The following OR6J1 variants were observed in gnomAD, a reference collection of about 807,000 sequenced individuals.
OR6J1 encodes olfactory receptor family 6 subfamily J member 1, also known as olfactory receptor 6J1.
For missense variants in OR6J1, 304 were observed against 166.8 expected (o/e 1.82, Z -4.53); for synonymous variants, 109 against 70.0 (o/e 1.56, Z -2.78).
intron 1 of OR6J1, among the ~76,000 whole-genome samples, chr14:22,637,847 C>G: frequency 3.3e-5 from 1 of 30,016 alleles, no homozygotes; most frequent in Non-Finnish European, 6.2e-5. Context: ...GCCGCCCCGT[C>G]CGGGAGGGAG....
At position 22,630,963 on chromosome 14, in the gene OR6J1, A is replaced by G. The variant is rs1194192355; in HGVS notation, c.*2805T>C. On this transcript the variant is annotated 3_prime_UTR_variant, in exon 2 of 2. Coordinates refer to ENST00000540461, the MANE Select transcript of OR6J1 (RefSeq NM_001348233.2). ...AAGCTGGGCAGCCGGGGGAGACATCACATGTCACTAGGTTCCATGATGCCC... is the reference window on the plus strand; with the variant it reads ...AAGCTGGGCAGCCGGGGGAGACATCGCATGTCACTAGGTTCCATGATGCCC... 1 of 152,140 alleles carries G rather than the reference A, an allele frequency of 6.6e-6. No individual in the cohort carries two copies. The highest frequency in any genetic ancestry group is 1.5e-5 in the Non-Finnish European group (1 of 68,028). The allele number at this position is 152,140 out of a possible 1,614,324, so 9.4% of individuals were successfully genotyped here. A position where few individuals can be genotyped will look rare whatever the true frequency, so the allele number is the denominator to read the frequency against.
Position 22,641,210 on chromosome 14 carries a change from TAAGAAAGAAAGAAAG to T in OR6J1, c.-28+2873_-28+2887del, listed in dbSNP as rs1160251620. Reference sequence around the variant, plus strand: ...AGAGAGACAGAGAGGGAGAGAAAGATAAGAAAGAAAGAAAGAAAGAAAGAAAGAAAGAAAGAAAGA... The same window carrying T: ...AGAGAGACAGAGAGGGAGAGAAAGATAAAGAAAGAAAGAAAGAAAGAAAGA... On this transcript the variant is annotated intron_variant, in intron 1 of 1. Transcript: ENST00000540461. 1.5e-3 allele frequency among the ~76,000 whole-genome samples: 187 copies of T among 122,586 alleles called. 16 individuals are homozygous for T. The highest frequency in any genetic ancestry group is 4.0e-3 in the Middle Eastern group (1 of 248). The allele number at this position is 122,586 out of a possible 152,430, so 80.4% of individuals were successfully genotyped here.
chr14:22,632,501 G>A lies in OR6J1; in HGVS notation c.*1267C>T, dbSNP rs955927310. On this transcript the variant is annotated 3_prime_UTR_variant, in exon 2 of 2. Coordinates refer to ENST00000540461, the MANE Select transcript of OR6J1 (RefSeq NM_001348233.2). The stretch of plus-strand genomic sequence containing the variant: ...GAATCACTTGAACCCAGGAGGCGGA[G>A]GTTGCAGTGAGCTGAGATTGCACCA... 6.6e-6 allele frequency: 1 copy of A among 152,232 alleles called. No individual in the cohort carries two copies. The highest frequency in any genetic ancestry group is 6.5e-5 in the Admixed American group (1 of 15,282). The allele number at this position is 152,232 out of a possible 1,614,324, so 9.4% of individuals were successfully genotyped here.
At chr14:22,642,644 A>T (rs1392113877) in intron 1 of OR6J1, among the ~76,000 whole-genome samples, 2 of 151,692 alleles carry the variant, frequency 1.3e-5, no homozygotes. Flanking sequence ...GGCAGATTTA[A>T]GGATATTTTA....
chr14:22,632,437 G>A lies in OR6J1; in HGVS notation c.*1331C>T, dbSNP rs111563779. The A allele has an allele frequency of 0.22, 32,858 of 149,354 alleles. 4,366 individuals are homozygous for A. Among genetic ancestry groups the A allele is most frequent in the African/African-American group, 0.31 (12,332 of 40,414 alleles). The allele number at this position is 149,354 out of a possible 1,614,324, so 9.3% of individuals were successfully genotyped here. On this transcript the variant is annotated 3_prime_UTR_variant, in exon 2 of 2. Transcript: ENST00000540461. ...AAAAATTAGCCAGGCATGGTGGCAC[G>A]CGCCTGTGGTCCCAGCTACTCAGGA...
intron 1 of OR6J1, among the ~76,000 whole-genome samples, chr14:22,639,441 G>A (rs1594903209): frequency 7.4e-6 from 1 of 134,264 alleles, no homozygotes; most frequent in East Asian, 2.1e-4. Flanking sequence ...CTACTGGGAA[G>A]TGAGGAGCCC....
In OR6J1 at chr14:22,633,117, TAG is replaced by T. The variant is rs1335317931; in HGVS notation, c.*649_*650del. On this transcript the variant is annotated 3_prime_UTR_variant, in exon 2 of 2. Coordinates refer to ENST00000540461, the MANE Select transcript of OR6J1 (RefSeq NM_001348233.2). ...GGTCATAGGTCACTGGCCAGTCTCT[TAG>T]GTGTGCAAGTGTCCCTGCAGGTGAT... 6.5e-6 allele frequency: 1 copy of T among 152,702 alleles called. No individual in the cohort carries two copies. The highest frequency in any genetic ancestry group is 2.4e-5 in the African/African-American group (1 of 41,456). 9.5% of individuals were successfully genotyped at this position (152,702 alleles called of 1,614,324 possible).
intron 1 of OR6J1, among the ~76,000 whole-genome samples, chr14:22,643,743 A>G (rs1273803046): frequency 2.0e-5 from 2 of 99,970 alleles, no homozygotes; most frequent in Non-Finnish European, 4.0e-5. Flanking sequence ...ACACACACAC[A>G]CACACACACA....
At chr14:22,640,373 G>A (rs948882931) in intron 1 of OR6J1, among the ~76,000 whole-genome samples, 3 of 150,112 alleles carry the variant, frequency 2.0e-5, no homozygotes, top group South Asian at 4.2e-4. Context: ...GGGGAAAAAA[G>A]AGAAGGAGGG....
intron 1 of OR6J1, among the ~76,000 whole-genome samples, chr14:22,643,764 C>CACACACAGAGAGAGAGAG (rs1466950724): frequency 2.6e-3 from 98 of 37,676 alleles, no homozygotes; most frequent in Non-Finnish European, 3.7e-3. Flanking sequence ...CACACACACA[C>CACACACAGAGAGAGAGAG]AGAGAGAGAG....
intron 1 of OR6J1, among the ~76,000 whole-genome samples, chr14:22,636,624 C>T (rs1158933024): frequency 1.3e-4 from 15 of 117,102 alleles, no homozygotes; most frequent in African/African-American, 6.5e-4. Context: ...CTGTGTTGGC[C>T]GGGCTGGTCT....
chr14:22,639,372 C>T (rs2037624590), intron 1 of OR6J1, among the ~76,000 whole-genome samples: 2 of 126,286 alleles, frequency 1.6e-5, no homozygotes, highest in African/African-American at 7.3e-5. Flanking sequence ...GGGGGGTCAG[C>T]CCCCCGCCCG....
At chr14:22,641,747 A>G (rs1237097541) in intron 1 of OR6J1, among the ~76,000 whole-genome samples, 1 of 152,188 alleles carries the variant, frequency 6.6e-6, no homozygotes, top group Non-Finnish European at 1.5e-5. Context: ...TCAGTCTAAA[A>G]GAGATGTGAA....
At chr14:22,638,774 C>T (rs1416998798) in intron 1 of OR6J1, among the ~76,000 whole-genome samples, 1 of 152,240 alleles carries the variant, frequency 6.6e-6, no homozygotes, top group Non-Finnish European at 1.5e-5. Context: ...GATGTGGAGA[C>T]TTAAAAAATT....
In OR6J1 at chr14:22,631,574, G is replaced by T. The variant is rs920417378; in HGVS notation, c.*2194C>A. The T allele has an allele frequency of 6.6e-6, 1 of 152,132 alleles. No homozygotes were observed. Among genetic ancestry groups the T allele is most frequent in the African/African-American group, 2.4e-5 (1 of 41,402 alleles). The allele number at this position is 152,132 out of a possible 1,614,324, so 9.4% of individuals were successfully genotyped here. A position where few individuals can be genotyped will look rare whatever the true frequency, so the allele number is the denominator to read the frequency against. ...TCTTTTTCCAAGGTGCCCAGATTTCGTATTTGTTCAAACACACATGCTCTA... is the reference window on the plus strand; with the variant it reads ...TCTTTTTCCAAGGTGCCCAGATTTCTTATTTGTTCAAACACACATGCTCTA... On this transcript the variant is annotated 3_prime_UTR_variant, in exon 2 of 2. Coordinates refer to ENST00000540461, the MANE Select transcript of OR6J1 (RefSeq NM_001348233.2).
At chr14:22,641,067 G>T (rs1432269537) in intron 1 of OR6J1, among the ~76,000 whole-genome samples, 1 of 150,838 alleles carries the variant, frequency 6.6e-6, no homozygotes, top group Admixed American at 6.7e-5. Context: ...TACTTGTGAA[G>T]CAAAGGTGGG....
intron 1 of OR6J1, among the ~76,000 whole-genome samples, chr14:22,640,909 G>A (rs1419086229): frequency 2.6e-5 from 4 of 151,116 alleles, no homozygotes; most frequent in African/African-American, 4.9e-5. Flanking sequence ...TGGCTAACGC[G>A]TGTAATCCCA....
At chr14:22,635,775 T>C (rs1270684190) in intron 1 of OR6J1, among the ~76,000 whole-genome samples, 1 of 152,174 alleles carries the variant, frequency 6.6e-6, no homozygotes, top group Admixed American at 6.5e-5. Context: ...CAATCTCATA[T>C]CAGACACTAA....
Position 22,634,369 on chromosome 14 carries a change from C to G in OR6J1, c.443G>C (p.Trp148Ser), listed in dbSNP as rs1027137853. The G allele has an allele frequency of 1.0e-5, 7 of 703,202 alleles. No homozygotes were observed. The African/African-American group carries it at 1.0e-4, about 11-fold the overall frequency. The allele number at this position is 703,202 out of a possible 1,614,324, so 43.6% of individuals were successfully genotyped here. The change falls in exon 2 of 2, where the codon TGG becomes TCG. Residue 148 changes from tryptophan to serine, a missense_variant. Physicochemically the swap from Trp to Ser is radical, Grantham distance 177. Coordinates refer to ENST00000540461, the MANE Select transcript of OR6J1 (RefSeq NM_001348233.2). ...SVCIGTVVFSWVGGFLSVLFP... is the reference protein window; with the variant it reads ...SVCIGTVVFSSVGGFLSVLFP... ...GAGCACAGACAGGAAGCCTCCCACC[C>G]AAGAGAATACAACGGTCCCAATGCA...
Sources: gnomAD v4.1 joint callset for allele counts (sites outside exome capture counted in the v4.1 genomes callset) on GRCh38, gnomAD v4.1.1 for gene constraint, MANE v1.5 for transcripts, NCBI Gene and HGNC (gene_info 2026-07-23, HGNC 2026-07-21) for gene names.